Variants in FKBP5 observed in about 807,000 individuals in gnomAD.
FKBP5 encodes the protein peptidyl-prolyl cis-trans isomerase FKBP5.
Under a neutral mutation model 50.5 loss-of-function variants are expected in FKBP5, and 23 were observed. The observed-to-expected ratio is 0.46, with a 90% CI of 0.33 to 0.65. The LOEUF (loss-of-function observed/expected upper bound fraction) is 0.65, where lower values mean the gene tolerates loss of function less well. Ranked by LOEUF, FKBP5 falls within the 30% of genes least tolerant of loss-of-function variation. The probability of loss-of-function intolerance (pLI) is 0.02; values close to 1 mark genes in which losing one functional copy is unlikely to be tolerated. For synonymous variants in FKBP5, 176 were observed against 190.6 expected (o/e 0.92, Z 0.63); for missense variants, 411 against 553.1 (o/e 0.74, Z 2.58).
intron 1 of FKBP5, among the ~76,000 whole-genome samples, chr6:35,723,059 C>G (rs1179419962): frequency 1.3e-5 from 2 of 152,030 alleles, no homozygotes; most frequent in Non-Finnish European, 2.9e-5. Context: ...CAGTGAAACG[C>G]CATCTCTACT....
intron 2 of FKBP5, among the ~76,000 whole-genome samples, chr6:35,711,984 C>T (rs974743242): frequency 4.6e-5 from 7 of 150,748 alleles, no homozygotes; most frequent in African/African-American, 1.7e-4. Context: ...CATGATCCTC[C>T]TACTTAAGCC....
In FKBP5 at chr6:35,701,220, TTTG is replaced by T. The variant is rs1466760431; in HGVS notation, c.-20+19105_-20+19107del. ...TGCTGTGTTTTTGTTTGTTTGTTTG[TTTG>T]TTTGTTTTTGTTTTTTGTTTTTTTG... On this transcript the variant is annotated intron_variant, in intron 2 of 11. Transcript: ENST00000536438. Among the ~76,000 whole-genome samples the T allele has an allele frequency of 8.4e-5, 8 of 95,806 alleles. No homozygotes were observed. In the East Asian group the frequency reaches 1.4e-3, roughly 17 times the overall value. 62.9% of individuals were successfully genotyped at this position (95,806 alleles called of 152,430 possible). A position where few individuals can be genotyped will look rare whatever the true frequency, so the allele number is the denominator to read the frequency against.
At chr6:35,671,451 G>T (rs145679549) in intron 1 of FKBP5, among the ~76,000 whole-genome samples, 1 of 151,802 alleles carries the variant, frequency 6.6e-6, no homozygotes, top group Admixed American at 6.6e-5. Context: ...CCTATAAAGC[G>T]CCTAACATTA....
intron 2 of FKBP5, among the ~76,000 whole-genome samples, chr6:35,695,288 C>A (rs949046875): frequency 6.6e-6 from 1 of 152,198 alleles, no homozygotes; most frequent in South Asian, 2.1e-4. Context: ...CTCAGCCTCC[C>A]AAGTAGCTGA....
At chr6:35,627,928 A>ATTTTT (rs35468991) in intron 3 of FKBP5, among the ~76,000 whole-genome samples, 6 of 108,430 alleles carry the variant, frequency 5.5e-5, no homozygotes, top group Admixed American at 1.0e-4. Context: ...TGCCCAGCTA[A>ATTTTT]TTTTTTTTTT....
intron 1 of FKBP5, among the ~76,000 whole-genome samples, chr6:35,645,039 T>C (rs1246651958): frequency 6.6e-6 from 1 of 152,220 alleles, no homozygotes; most frequent in African/African-American, 2.4e-5. Flanking sequence ...ATCTGACTGA[T>C]AACACTTTAA....
chr6:35,596,091 A>ACC (rs1762974554), intron 6 of FKBP5, among the ~76,000 whole-genome samples: 1 of 152,082 alleles, frequency 6.6e-6, no homozygotes, highest in Non-Finnish European at 1.5e-5. Flanking sequence ...GTGGTGGCTC[A>ACC]CACCTGTAAT....
intron 8 of FKBP5, chr6:35,581,303 T>C (rs1447505529): frequency 4.6e-6 from 2 of 430,470 alleles, no homozygotes; most frequent in Non-Finnish European, 6.1e-6. Context: ...TATATATACA[T>C]GCTCATATGA....
In FKBP5 at chr6:35,591,184, G is replaced by A. The variant is rs1478413910; in HGVS notation, c.702C>T (p.Gly234=). The change falls in exon 7 of 11, where the codon GGC becomes GGT. Residue 234 remains glycine (G), a synonymous_variant. Coordinates refer to ENST00000357266, the MANE Select transcript of FKBP5 (RefSeq NM_004117.4). ...ATATAAGCTCAGCATTAGGTTCAAT[G>A]CCAAATTTAGGCTTCCCTGCCTCTC... The part of the protein sequence containing the change: ...GFGEAGKPKF[G]IEPNAELIYE... The A allele has an allele frequency of 6.2e-7, 1 of 1,612,942 alleles. No individual in the cohort carries two copies. The highest frequency in any genetic ancestry group is 1.7e-5 in the Admixed American group (1 of 59,944).
rs550878351 is a variant in FKBP5 at position 35,666,394 on chromosome 6, T to TAAAAAAAAAAAAAAAAAAAAAAAAAAAA, written c.-20+22409_-20+22410insTTTTTTTTTTTTTTTTTTTTTTTTTTTT. The stretch of plus-strand genomic sequence containing the variant: ...CATGCAGAAACACTACTATTATAGT[T>TAAAAAAAAAAAAAAAAAAAAAAAAAAAA]AAAAAAAAAAAAAAAAAAAAAAAAA... On this transcript the variant is annotated intron_variant, in intron 1 of 10. Coordinates refer to ENST00000357266, the MANE Select transcript of FKBP5 (RefSeq NM_004117.4). 9.3e-4 allele frequency among the ~76,000 whole-genome samples: 31 copies of TAAAAAAAAAAAAAAAAAAAAAAAAAAAA among 33,254 alleles called. 9 individuals are homozygous for TAAAAAAAAAAAAAAAAAAAAAAAAAAAA. The highest frequency in any genetic ancestry group is 3.6e-3 in the East Asian group (3 of 824). The allele number at this position is 33,254 out of a possible 152,430, so 21.8% of individuals were successfully genotyped here.
At chr6:35,629,991 C>T (rs1335380917) in intron 3 of FKBP5, among the ~76,000 whole-genome samples, 1 of 152,134 alleles carries the variant, frequency 6.6e-6, no homozygotes, top group Non-Finnish European at 1.5e-5. Context: ...AATATATTGG[C>T]TGAGTGCAGT....
intron 2 of FKBP5, among the ~76,000 whole-genome samples, chr6:35,701,367 C>G (rs4713914): frequency 0.76 from 112,981 of 147,790 alleles, 43,719 homozygotes; most frequent in African/African-American, 0.89. Flanking sequence ...CCTCAGCCTC[C>G]CAAGTAGCTG....
chr6:35,575,762 C>A lies in FKBP5; in HGVS notation c.*73G>T. The A allele has an allele frequency of 1.0e-6, 1 of 989,064 alleles. No individual in the cohort carries two copies. The highest frequency in any genetic ancestry group is 1.3e-5 in the South Asian group (1 of 78,218). The allele number at this position is 989,064 out of a possible 1,614,324, so 61.3% of individuals were successfully genotyped here. A position where few individuals can be genotyped will look rare whatever the true frequency, so the allele number is the denominator to read the frequency against. On this transcript the variant is annotated 3_prime_UTR_variant, in exon 11 of 11. Transcript: ENST00000357266. ...AACAAACTTTACATTAAACACTGTTCTGTCCTGAGTTGGGGGAAAGCCCAT... is the reference window on the plus strand; with the variant it reads ...AACAAACTTTACATTAAACACTGTTATGTCCTGAGTTGGGGGAAAGCCCAT...
At chr6:35,693,536 T>C (rs1290263582), upstream of FKBP5, among the ~76,000 whole-genome samples, 1 of 151,248 alleles carries the variant, frequency 6.6e-6, no homozygotes, top group Non-Finnish European at 1.5e-5. Context: ...CTTTCTTTTT[T>C]TGAGACAGAG....
intron 5 of FKBP5, among the ~76,000 whole-genome samples, chr6:35,608,163 G>A (rs931327828): frequency 6.6e-6 from 1 of 152,046 alleles, no homozygotes; most frequent in Non-Finnish European, 1.5e-5. Context: ...ATAAGTAGGA[G>A]CTAAACCCTG....
upstream of FKBP5, among the ~76,000 whole-genome samples, chr6:35,690,493 G>T (rs565187348): frequency 2.6e-5 from 4 of 151,706 alleles, no homozygotes; most frequent in African/African-American, 9.7e-5. Flanking sequence ...GATGATGTCT[G>T]CAGAAAAGAC....
chr6:35,583,120 TATC>T (rs1427866311), intron 8 of FKBP5: 1 of 985,416 alleles, frequency 1.0e-6, no homozygotes. Context: ...AACCTTTTGC[TATC>T]ATTGGGAGCA....
chr6:35,713,732 C>T (rs1195707221), intron 2 of FKBP5, among the ~76,000 whole-genome samples: 2 of 152,162 alleles, frequency 1.3e-5, no homozygotes, highest in Admixed American at 1.3e-4. Context: ...TAAAAAGCAG[C>T]CACTTGTCCA....
Position 35,615,914 on chromosome 6 carries a change from G to A in FKBP5, c.508+3182C>T, listed in dbSNP as rs1016013844. ...ATATACCTCTTGATAATGATGAAAG[G>A]CACATCACTTCAGTGGTATTTTCAA... On this transcript the variant is annotated intron_variant, in intron 5 of 10. Coordinates refer to ENST00000357266, the MANE Select transcript of FKBP5 (RefSeq NM_004117.4). Among the ~76,000 whole-genome samples the A allele has an allele frequency of 3.9e-5, 6 of 152,258 alleles. No individual in the cohort carries two copies. In the South Asian group the frequency reaches 1.0e-3, roughly 26 times the overall value.
Sources: allele counts gnomAD v4.1 joint callset (sites outside exome capture counted in the v4.1 genomes callset), GRCh38; gene constraint gnomAD v4.1.1; transcripts MANE v1.5; gene names NCBI Gene and HGNC (gene_info 2026-07-23, HGNC 2026-07-21).